Variants in RAB44 observed in about 807,000 individuals in gnomAD.
The protein encoded by RAB44 is ras-related protein Rab-44.
In RAB44, 67 loss-of-function variants were observed where a neutral mutation model predicts 93.3. That is an observed-to-expected ratio of 0.72 (90% CI 0.59 to 0.88). The LOEUF (loss-of-function observed/expected upper bound fraction) is 0.88, where lower values mean the gene tolerates loss of function less well. RAB44 is among the 40% of genes least tolerant of loss of function. RAB44 has a pLI of 0.00. For synonymous variants in RAB44, 427 were observed against 520.3 expected, an observed-to-expected ratio of 0.82 and a Z score of 2.44; for missense variants, 1,064 against 1,261.7, an observed-to-expected ratio of 0.84 and a Z score of 2.37.
In RAB44 at chr6:36,722,359, C is replaced by T; in HGVS notation, c.2225C>T (p.Pro742Leu). ...EGPTPGKSAPPRGSPPRGAQP... is the reference protein window; with the variant it reads ...EGPTPGKSAPLRGSPPRGAQP... ...CCCACTCCTGGAAAATCGGCACCTC[C>T]AAGGGGCTCTCCTCCCAGGGGGGCT... The change falls in exon 9 of 14, where the codon CCA (proline) becomes CTA (leucine). Residue 742 changes from proline to leucine, a missense_variant. Physicochemically the swap from Pro to Leu is moderately conservative, Grantham distance 98. Coordinates refer to ENST00000612677, the MANE Select transcript of RAB44 (RefSeq NM_001257357.2). 1.5e-6 allele frequency: 2 copies of T among 1,347,552 alleles called. No homozygotes were observed. Among genetic ancestry groups the T allele is most frequent in the Non-Finnish European group, 1.9e-6 (2 of 1,051,190 alleles). 83.5% of individuals were successfully genotyped at this position (1,347,552 alleles called of 1,614,324 possible). A position where few individuals can be genotyped will look rare whatever the true frequency, so the allele number is the denominator to read the frequency against.
intron 1 of RAB44, among the ~76,000 whole-genome samples, chr6:36,702,429 C>A (rs1177234997): frequency 6.6e-6 from 1 of 151,958 alleles, no homozygotes; most frequent in Non-Finnish European, 1.5e-5. Flanking sequence ...CCTTGGGAAG[C>A]TTGCCCAAGG....
At position 36,721,328 on chromosome 6, in the gene RAB44, C is replaced by A; in HGVS notation, c.1194C>A (p.Thr398=). The A allele has an allele frequency of 8.1e-7, 1 of 1,233,858 alleles. No homozygotes were observed. The highest frequency in any genetic ancestry group is 1.0e-6 in the Non-Finnish European group (1 of 987,762). The allele number at this position is 1,233,858 out of a possible 1,614,324, so 76.4% of individuals were successfully genotyped here. Residue 398 remains threonine (T), a synonymous_variant, in exon 9 of 14, where the codon ACC becomes ACA. Transcript: ENST00000612677. ...GCCCGCCCCCGACCCCAAGAGCCAC[C>A]TCAGGCCCCCAGACACCCCGTGTGG... ...CWSPPPTPRA[T]SGPQTPRVVR... is the part of the protein sequence containing the mutation.
At chr6:36,706,294 C>T (rs1320925328) in intron 2 of RAB44, among the ~76,000 whole-genome samples, 3 of 152,112 alleles carry the variant, frequency 2.0e-5, no homozygotes, top group African/African-American at 7.2e-5. Context: ...TGTGGGACTT[C>T]GAGTGCTAAA....
chr6:36,701,499 G>C (rs1403390862), intron 1 of RAB44, among the ~76,000 whole-genome samples: 1 of 152,156 alleles, frequency 6.6e-6, no homozygotes, highest in Non-Finnish European at 1.5e-5. Flanking sequence ...TGAGAGCCCA[G>C]TACATATCCT....
At chr6:36,727,736 G>A in intron 11 of RAB44, 45 bp downstream of exon 11, 3 of 1,273,532 alleles carry the variant, frequency 2.4e-6, no homozygotes, top group Non-Finnish European at 3.4e-6. Flanking sequence ...CTCCAGTCAA[G>A]AGGGATCTTA....
At position 36,721,526 on chromosome 6, in the gene RAB44, C is replaced by T. The variant is rs1030507880; in HGVS notation, c.1392C>T (p.His464=). Residue 464 remains histidine, a synonymous_variant, in exon 9 of 14, where the codon CAC becomes CAT. Coordinates refer to ENST00000612677, the MANE Select transcript of RAB44 (RefSeq NM_001257357.2). ...DIRAEQPVEP[H]DPDPNQEPGS... is the part of the protein sequence containing the mutation. ...GAGCAGAGCAGCCTGTTGAACCGCA[C>T]GACCCGGACCCCAACCAGGAGCCAG... 1.2e-4 allele frequency: 144 copies of T among 1,234,394 alleles called. No homozygotes were observed. The highest frequency in any genetic ancestry group is 1.6e-4 in the East Asian group (5 of 31,714). 76.5% of individuals were successfully genotyped at this position (1,234,394 alleles called of 1,614,324 possible). A position where few individuals can be genotyped will look rare whatever the true frequency, so the allele number is the denominator to read the frequency against.
chr6:36,707,546 T>G (rs1762679092), intron 2 of RAB44, among the ~76,000 whole-genome samples: 1 of 150,474 alleles, frequency 6.6e-6, no homozygotes, highest in Admixed American at 6.7e-5. Flanking sequence ...CAATTATTGT[T>G]CTGCCGGATC....
intron 7 of RAB44, 141 bp downstream of exon 7, chr6:36,718,729 C>A: frequency 2.4e-6 from 1 of 422,972 alleles, no homozygotes; most frequent in East Asian, 3.6e-5. Context: ...CATGTGAGGG[C>A]CTGAGACAGT....
At chr6:36,726,846 G>C (rs1259658891) in intron 10 of RAB44, among the ~76,000 whole-genome samples, 1 of 151,494 alleles carries the variant, frequency 6.6e-6, no homozygotes, top group Non-Finnish European at 1.5e-5. Flanking sequence ...TGTCACCCAG[G>C]CTGGAGTGTG....
intron 12 of RAB44, 27 bp from the exon 13 acceptor site, chr6:36,730,646 A>G (rs896914323): frequency 2.4e-6 from 3 of 1,228,826 alleles, no homozygotes; most frequent in East Asian, 3.2e-5. Flanking sequence ...CCCAAGGCAC[A>G]TATGTCCCTC....
Position 36,727,676 on chromosome 6 carries a change from G to A in RAB44, c.2781G>A (p.Trp927Ter), listed in dbSNP as rs990940193. 6.5e-7 allele frequency: 1 copy of A among 1,550,048 alleles called. No homozygotes were observed. The highest frequency in any genetic ancestry group is 8.7e-7 in the Non-Finnish European group (1 of 1,146,628). The change falls in exon 11 of 14, where the codon TGG becomes TGA. Residue 927 changes from tryptophan to a stop codon, truncating the protein, a stop_gained. Transcript: ENST00000612677. LOFTEE classifies it high-confidence loss of function. ...AGAGCTTTGCCCACGTGCGCTACTG[G>A]CTAGACTGTCTCCAGGTGAGCAGAT... Reference protein sequence around the residue: ...SQESFAHVRYWLDCLQDAGSD... With the variant: ...SQESFAHVRY
intron 1 of RAB44, among the ~76,000 whole-genome samples, chr6:36,702,293 GGAGAGAGAGAGAGA>G (rs567475229): frequency 2.9e-4 from 33 of 115,232 alleles, no homozygotes; most frequent in Admixed American, 7.4e-4. Context: ...CTTCGAAGGG[GGAGAGAGAGAGAGA>G]GAGAGAGAGA....
chr6:36,718,186 G>T, intron 6 of RAB44, 68 bp downstream of exon 6: 2 of 1,070,774 alleles, frequency 1.9e-6, no homozygotes, highest in Non-Finnish European at 2.4e-6. Context: ...AAGGAATGGG[G>T]CCAGTGACTG....
Position 36,730,653 on chromosome 6 carries a change from C to T in RAB44, c.2899-20C>T, listed in dbSNP as rs1322880752. ...TTGTCTCTCCCAAGGCACATATGTC[C>T]CTCCCTGTCTGGCCTGCAGGAACTG... On this transcript the variant is annotated intron_variant, in intron 12 of 13. Coordinates refer to ENST00000612677, the MANE Select transcript of RAB44 (RefSeq NM_001257357.2). The T allele has an allele frequency of 8.1e-7, 1 of 1,231,316 alleles. No individual in the cohort carries two copies. Among genetic ancestry groups the T allele is most frequent in the African/African-American group, 1.6e-5 (1 of 64,514 alleles). 76.3% of individuals were successfully genotyped at this position (1,231,316 alleles called of 1,614,324 possible).
At chr6:36,715,405 C>A in intron 3 of RAB44, 74 bp from the exon 4 acceptor site, 1 of 1,395,872 alleles carries the variant, frequency 7.2e-7, no homozygotes, top group Non-Finnish European at 9.7e-7. Flanking sequence ...GAGGGCTGGA[C>A]CAGGGCTGGG....
chr6:36,699,290 A>G lies in RAB44; in HGVS notation c.-13+1375A>G, dbSNP rs540045397. On this transcript the variant is annotated intron_variant, in intron 1 of 13. Transcript: ENST00000612677. Reference sequence around the variant, plus strand: ...GCTGTGGAGGTGTAGCTTGGCTAGGAACTCCCAGAAAGGAAAGTCAGGAAT... The same window carrying G: ...GCTGTGGAGGTGTAGCTTGGCTAGGGACTCCCAGAAAGGAAAGTCAGGAAT... 3.1e-3 allele frequency among the ~76,000 whole-genome samples: 473 copies of G among 152,166 alleles called. 2 individuals carry two copies. The highest frequency in any genetic ancestry group is 5.6e-3 in the South Asian group (27 of 4,818).
intron 1 of RAB44, among the ~76,000 whole-genome samples, chr6:36,700,684 C>T (rs995919643): frequency 5.3e-5 from 8 of 152,166 alleles, no homozygotes; most frequent in African/African-American, 9.7e-5. Flanking sequence ...GTGATCCTCT[C>T]GCCTCAGCCT....
rs1763049002 is a variant in RAB44 at position 36,720,567 on chromosome 6, C to T, written c.1016+17C>T. 8.1e-7 allele frequency: 1 copy of T among 1,233,958 alleles called. No individual in the cohort carries two copies. The highest frequency in any genetic ancestry group is 1.0e-6 in the Non-Finnish European group (1 of 987,980). The allele number at this position is 1,233,958 out of a possible 1,614,324, so 76.4% of individuals were successfully genotyped here. A position where few individuals can be genotyped will look rare whatever the true frequency, so the allele number is the denominator to read the frequency against. On this transcript the variant is annotated intron_variant, in intron 8 of 13. Transcript: ENST00000612677. ...GAAACTGAGGCAAGTGGCTGCTATC[C>T]CTGGACTGGGGTGGACTCTAAGGGC... is the stretch of plus-strand genomic sequence containing the variant.
rs1763296786 is a variant in RAB44, at chr6:36,728,818, C to T, written c.2898+17C>T. ...CTGGCCCAGGTAAGCACTTGGGCAT[C>T]AGCCCGTCTCTGTGCGTGGACTGGG... On this transcript the variant is annotated intron_variant, in intron 12 of 13. Coordinates refer to ENST00000612677, the MANE Select transcript of RAB44 (RefSeq NM_001257357.2). 1 of 1,537,312 alleles carries T rather than the reference C, an allele frequency of 6.5e-7. No individual in the cohort carries two copies. The highest frequency in any genetic ancestry group is 8.8e-7 in the Non-Finnish European group (1 of 1,135,052).
Sources: allele counts gnomAD v4.1 joint callset (sites outside exome capture counted in the v4.1 genomes callset), GRCh38; gene constraint gnomAD v4.1.1; transcripts MANE v1.5; gene names NCBI Gene and HGNC (gene_info 2026-07-23, HGNC 2026-07-21).